CNTNAP4: variants seen among roughly 807,000 people sequenced by gnomAD.
CNTNAP4 encodes the protein contactin associated protein family member 4, also known as contactin-associated protein-like 4.
A neutral mutation model predicts 148.4 loss-of-function variants in CNTNAP4; 98 were observed. The observed-to-expected ratio is 0.66, with a 90% CI of 0.56 to 0.78. The LOEUF is 0.78. Ranked by LOEUF, CNTNAP4 falls within the 30% of genes least tolerant of loss-of-function variation. The probability of loss-of-function intolerance (pLI) is 0.00; values close to 1 mark genes in which losing one functional copy is unlikely to be tolerated. For synonymous variants in CNTNAP4, 730 were observed against 565.1 expected (o/e 1.29, Z -4.14); for missense variants, 1,935 against 1,565.6 (o/e 1.24, Z -3.98).
rs1958518455 is a variant in CNTNAP4, at chr16:76,277,467, G to GGA, written c.-186_-185dup. On this transcript the variant is annotated 5_prime_UTR_variant, in exon 1 of 24. Coordinates refer to ENST00000611870, the MANE Select transcript of CNTNAP4 (RefSeq NM_033401.5). ...AGAGAAAAGAGAGAGACAGAGACGG[G>GGA]GAGAGAGAGAGGGAGAGAGAAGAGA... is the stretch of plus-strand genomic sequence containing the variant. The GGA allele has an allele frequency of 8.8e-6, 5 of 564,986 alleles. No individual in the cohort carries two copies. The highest frequency in any genetic ancestry group is 1.6e-5 in the Non-Finnish European group (5 of 317,958). The allele number at this position is 564,986 out of a possible 1,614,324, so 35.0% of individuals were successfully genotyped here.
At chr16:76,543,646 G>T (rs1246937992) in intron 21 of CNTNAP4, among the ~76,000 whole-genome samples, 1 of 152,206 alleles carries the variant, frequency 6.6e-6, no homozygotes, top group Non-Finnish European at 1.5e-5. Flanking sequence ...GAAAGATTTA[G>T]CAATGTTCAG....
Position 76,560,020 on chromosome 16 carries a change from G to A in CNTNAP4, c.*1337G>A, listed in dbSNP as rs913534774. Among the ~76,000 whole-genome samples the A allele has an allele frequency of 4.6e-5, 7 of 152,116 alleles. No individual in the cohort carries two copies. The highest frequency in any genetic ancestry group is 7.4e-5 in the Non-Finnish European group (5 of 68,014). On this transcript the variant is annotated 3_prime_UTR_variant, in exon 24 of 24. Coordinates refer to ENST00000611870, the MANE Select transcript of CNTNAP4 (RefSeq NM_033401.5). The stretch of plus-strand genomic sequence containing the variant: ...CTTGCTGAATGGTACATTCTGATTA[G>A]GGTGTATTATACACTAGGAGATCAA...
At chr16:76,344,089 G>T (rs1269212996) in intron 2 of CNTNAP4, among the ~76,000 whole-genome samples, 3 of 152,128 alleles carry the variant, frequency 2.0e-5, no homozygotes, top group Admixed American at 1.3e-4. Context: ...TTCAAACTCT[G>T]AATTCTCTTT....
intron 17 of CNTNAP4, among the ~76,000 whole-genome samples, chr16:76,526,155 C>G (rs2083722474): frequency 6.6e-6 from 1 of 151,966 alleles, no homozygotes; most frequent in Non-Finnish European, 1.5e-5. Context: ...GCAGAGTCCT[C>G]CTAATTTGAG....
At chr16:76,346,755 C>A (rs1964934683) in intron 2 of CNTNAP4, among the ~76,000 whole-genome samples, 1 of 152,162 alleles carries the variant, frequency 6.6e-6, no homozygotes, top group African/African-American at 2.4e-5. Context: ...TAACTTTATT[C>A]TAGTCTTCCA....
intron 3 of CNTNAP4, among the ~76,000 whole-genome samples, chr16:76,371,901 A>G (rs1174092654): frequency 6.6e-6 from 1 of 152,180 alleles, no homozygotes; most frequent in Non-Finnish European, 1.5e-5. Context: ...TCCAAACACA[A>G]TCAAGTCACT....
At chr16:76,469,318 G>A (rs4325595) in intron 10 of CNTNAP4, among the ~76,000 whole-genome samples, 150,089 of 152,306 alleles carry the variant, frequency 0.99, 73,989 homozygotes, top group East Asian at 1. Flanking sequence ...TTTTGGGTCC[G>A]TTTGTTGTGA....
In CNTNAP4 at chr16:76,302,502, G is replaced by A. The variant is rs8063822; in HGVS notation, c.86-13911G>A. Among the ~76,000 whole-genome samples the A allele has an allele frequency of 8.4e-3, 1,278 of 152,060 alleles. 15 individuals carry two copies. The highest frequency in any genetic ancestry group is 0.029 in the African/African-American group (1,191 of 41,480). On this transcript the variant is annotated intron_variant, in intron 1 of 23. Coordinates refer to ENST00000611870, the MANE Select transcript of CNTNAP4 (RefSeq NM_033401.5). ...TAACACGGTGATTTTCTCCCTCCAG[G>A]CCTGTAAGATAAATTTCACCCATGC... is the stretch of plus-strand genomic sequence containing the variant.
intron 2 of CNTNAP4, among the ~76,000 whole-genome samples, chr16:76,343,460 T>C (rs1344915470): frequency 6.6e-6 from 1 of 152,206 alleles, no homozygotes; most frequent in Non-Finnish European, 1.5e-5. Flanking sequence ...AAACCCTGAC[T>C]GATCTTTTTC....
chr16:76,318,047 C>T (rs1016699402), intron 2 of CNTNAP4, among the ~76,000 whole-genome samples: 1 of 152,164 alleles, frequency 6.6e-6, no homozygotes, highest in Non-Finnish European at 1.5e-5. Context: ...CTTTGCAATT[C>T]TGAGTCCCTG....
At chr16:76,374,678 A>G (rs967178563) in intron 3 of CNTNAP4, among the ~76,000 whole-genome samples, 8 of 151,608 alleles carry the variant, frequency 5.3e-5, no homozygotes, top group Non-Finnish European at 7.4e-5. Context: ...GCATTTTTCA[A>G]AATTTTTAGT....
intron 8 of CNTNAP4, among the ~76,000 whole-genome samples, chr16:76,459,610 A>T (rs188482616): frequency 1.3e-5 from 2 of 152,380 alleles, no homozygotes; most frequent in Admixed American, 1.3e-4. Context: ...GGAAAATAAA[A>T]GAAATCACAT....
At chr16:76,447,870 A>G in intron 4 of CNTNAP4, 142 bp from the exon 5 acceptor site, 1 of 619,570 alleles carries the variant, frequency 1.6e-6, no homozygotes, top group East Asian at 2.7e-5. Context: ...TCAGGATATA[A>G]CTCCATCATT....
At chr16:76,400,620 A>T (rs1028374171) in intron 3 of CNTNAP4, among the ~76,000 whole-genome samples, 1 of 152,104 alleles carries the variant, frequency 6.6e-6, no homozygotes, top group Admixed American at 6.6e-5. Flanking sequence ...TGCCCATTGT[A>T]TGTCCAGGAT....
At position 76,521,049 on chromosome 16, in the gene CNTNAP4, C is replaced by G. The variant is rs1413367118; in HGVS notation, c.2366-91C>G. 6 of 1,234,264 alleles carry G rather than the reference C, an allele frequency of 4.9e-6. No individual in the cohort carries two copies. The East Asian group carries it at 1.4e-4, about 29-fold the overall frequency. 76.5% of individuals were successfully genotyped at this position (1,234,264 alleles called of 1,614,324 possible). On this transcript the variant is annotated intron_variant, in intron 15 of 23. Coordinates refer to ENST00000611870, the MANE Select transcript of CNTNAP4 (RefSeq NM_033401.5). Reference sequence around the variant, plus strand: ...AATAACATTTTAAATAGCAAAAGTGCTAAAAATAGAACATGTAATTGTCAT... The same window carrying G: ...AATAACATTTTAAATAGCAAAAGTGGTAAAAATAGAACATGTAATTGTCAT...
chr16:76,515,554 A>G (rs536866320), intron 15 of CNTNAP4, among the ~76,000 whole-genome samples: 1 of 152,276 alleles, frequency 6.6e-6, no homozygotes, highest in Non-Finnish European at 1.5e-5. Flanking sequence ...TTGATCTTTG[A>G]CTTTTAGCCT....
intron 21 of CNTNAP4, among the ~76,000 whole-genome samples, chr16:76,550,107 G>T (rs963073373): frequency 6.6e-6 from 1 of 151,858 alleles, no homozygotes; most frequent in East Asian, 1.9e-4. Flanking sequence ...GTGTACTAAG[G>T]GAATAGGGCT....
intron 3 of CNTNAP4, among the ~76,000 whole-genome samples, chr16:76,388,671 A>G (rs1597392876): frequency 6.6e-6 from 1 of 152,214 alleles, no homozygotes; most frequent in Non-Finnish European, 1.5e-5. Context: ...ATATACATCT[A>G]TTGATTTATT....
At chr16:76,318,055 C>G (rs963173186) in intron 2 of CNTNAP4, among the ~76,000 whole-genome samples, 3 of 152,180 alleles carry the variant, frequency 2.0e-5, no homozygotes, top group Non-Finnish European at 2.9e-5. Flanking sequence ...TTCTGAGTCC[C>G]TGACCCATCA....
Sources: allele counts gnomAD v4.1 joint callset (sites outside exome capture counted in the v4.1 genomes callset), GRCh38; gene constraint gnomAD v4.1.1; transcripts MANE v1.5; gene names NCBI Gene and HGNC (gene_info 2026-07-23, HGNC 2026-07-21).